Variants in DERA observed in about 807,000 individuals in gnomAD.
DERA encodes the protein 2-deoxy-D-ribose 5-phosphate aldolase.
A neutral mutation model predicts 41.1 loss-of-function variants in DERA; 15 were observed. The observed-to-expected ratio is 0.37, with a 90% CI of 0.24 to 0.56. The LOEUF is 0.56. DERA is among the 20% of genes least tolerant of loss of function. DERA has a pLI of 0.81. For synonymous variants in DERA, 139 were observed against 137.4 expected, an observed-to-expected ratio of 1.01 and a Z score of -0.08; for missense variants, 396 against 403.4, an observed-to-expected ratio of 0.98 and a Z score of 0.16.
rs115285249 is a variant in DERA, at chr12:15,962,617, C to T, written c.374-196C>T. ...CCTAACACTAATATGAGAGAACATT[C>T]AATTTCTTCACACTTATGCATAAGT... On this transcript the variant is annotated intron_variant, in intron 4 of 8. Transcript: ENST00000428559. The T allele has an allele frequency of 2.7e-3, 1,275 of 470,606 alleles. 7 individuals carry two copies. The highest frequency in any genetic ancestry group is 0.018 in the African/African-American group (917 of 50,658). 29.2% of individuals were successfully genotyped at this position (470,606 alleles called of 1,614,324 possible). A position where few individuals can be genotyped will look rare whatever the true frequency, so the allele number is the denominator to read the frequency against.
chr12:15,932,511 G>A (rs556224365), intron 1 of DERA, among the ~76,000 whole-genome samples: 91 of 152,148 alleles, frequency 6.0e-4, no homozygotes, highest in South Asian at 1.2e-3. Context: ...TTAGCTGGGT[G>A]TGGTGGTGCA....
At position 15,972,951 on chromosome 12, in the gene DERA, T is replaced by C. The variant is rs953621810; in HGVS notation, c.509-9357T>C. Reference sequence around the variant, plus strand: ...CCTGATTTGGATGCTGTTTCAAACATGCAGTCTGACCCCTTTCCCTCCTTT... The same window carrying C: ...CCTGATTTGGATGCTGTTTCAAACACGCAGTCTGACCCCTTTCCCTCCTTT... On this transcript the variant is annotated intron_variant, in intron 5 of 8. Coordinates refer to ENST00000428559, the MANE Select transcript of DERA (RefSeq NM_015954.4). The surrounding 1 kb of genome is among the most constrained non-coding windows in gnomAD (Gnocchi z 4.4). Among the ~76,000 whole-genome samples, 13 of 152,204 alleles carry C rather than the reference T, an allele frequency of 8.5e-5. No homozygotes were observed. Among genetic ancestry groups the C allele is most frequent in the Non-Finnish European group, 1.9e-4 (13 of 68,034 alleles).
chr12:15,982,216 A>C lies in DERA; in HGVS notation c.509-92A>C. The C allele has an allele frequency of 7.9e-7, 1 of 1,268,230 alleles. No homozygotes were observed. Among genetic ancestry groups the C allele is most frequent in the Non-Finnish European group, 1.1e-6 (1 of 921,748 alleles). 78.6% of individuals were successfully genotyped at this position (1,268,230 alleles called of 1,614,324 possible). ...AGTGACAAATGTTTTATGTTTCCTA[A>C]ATGTGAAATGGGTTCCACCAGCTCT... On this transcript the variant is annotated intron_variant, in intron 5 of 8. Transcript: ENST00000428559. This position sits in a 1 kb window ranked among gnomAD's most constrained non-coding sequence, Gnocchi z 4.0.
chr12:15,956,870 G>A, intron 1 of DERA, 66 bp from the exon 2 acceptor site: 1 of 1,139,776 alleles, frequency 8.8e-7, no homozygotes, highest in Non-Finnish European at 1.3e-6. Context: ...CAAGGACCAT[G>A]TAAAAATAGG....
At chr12:15,929,939 G>T (rs899968718) in intron 1 of DERA, among the ~76,000 whole-genome samples, 3 of 152,108 alleles carry the variant, frequency 2.0e-5, no homozygotes, top group Admixed American at 1.3e-4. Flanking sequence ...TTTGAAAAGA[G>T]ATTGGACTTT....
chr12:15,961,684 T>C (rs369542353), intron 4 of DERA, among the ~76,000 whole-genome samples: 1 of 152,166 alleles, frequency 6.6e-6, no homozygotes. Context: ...GTCAGTTCAG[T>C]TTTTGCTTTA....
chr12:15,986,264 AT>A (rs1948763743), intron 6 of DERA, among the ~76,000 whole-genome samples: 1 of 152,028 alleles, frequency 6.6e-6, no homozygotes, highest in African/African-American at 2.4e-5. Context: ...TCTTGTAGGC[AT>A]TTCTTTTCTA....
chr12:16,003,982 G>A lies in DERA; in HGVS notation c.637+21546G>A, dbSNP rs1948893005. Reference sequence around the variant, plus strand: ...ACATCATTGTGCAGAATGCTTAGAAGGGGTTGGTAGGGCTATTCATTAAGT... The same window carrying A: ...ACATCATTGTGCAGAATGCTTAGAAAGGGTTGGTAGGGCTATTCATTAAGT... On this transcript the variant is annotated intron_variant, in intron 6 of 8. Transcript: ENST00000428559. This position sits in a 1 kb window ranked among gnomAD's most constrained non-coding sequence, Gnocchi z 4.8. Among the ~76,000 whole-genome samples the A allele has an allele frequency of 6.6e-6, 1 of 152,156 alleles. No homozygotes were observed. Among genetic ancestry groups the A allele is most frequent in the South Asian group, 2.1e-4 (1 of 4,822 alleles).
At chr12:16,025,435 A>C (rs182041440) in intron 6 of DERA, among the ~76,000 whole-genome samples, 1 of 152,258 alleles carries the variant, frequency 6.6e-6, no homozygotes, top group East Asian at 1.9e-4. Context: ...ACTTCAGAAA[A>C]AGGAACACTA....
In DERA at chr12:16,017,485, G is replaced by C. The variant is rs919478943; in HGVS notation, c.638-15057G>C. Among the ~76,000 whole-genome samples the C allele has an allele frequency of 6.6e-6, 1 of 152,132 alleles. No individual in the cohort carries two copies. The highest frequency in any genetic ancestry group is 2.4e-5 in the African/African-American group (1 of 41,424). On this transcript the variant is annotated intron_variant, in intron 6 of 8. Coordinates refer to ENST00000428559, the MANE Select transcript of DERA (RefSeq NM_015954.4). This position sits in a 1 kb window ranked among gnomAD's most constrained non-coding sequence, Gnocchi z 5.5. ...AGCTAATTATCCTTGGATCATGTAA[G>C]CATGTCTTTGTGGAATCACAGTCTC... is the stretch of plus-strand genomic sequence containing the variant.
Position 15,918,791 on chromosome 12 carries a change from T to G in DERA, c.31+7377T>G, listed in dbSNP as rs2136123340. On this transcript the variant is annotated intron_variant, in intron 1 of 8. Transcript: ENST00000428559. This position sits in a 1 kb window ranked among gnomAD's most constrained non-coding sequence, Gnocchi z 4.3. ...CAGGAACGTGGTGGGATTGGAAGGA[T>G]AAAGACGAATTCACAGACAGTCCAG... Among the ~76,000 whole-genome samples, 1 of 152,254 alleles carries G rather than the reference T, an allele frequency of 6.6e-6. No individual in the cohort carries two copies. Among genetic ancestry groups the G allele is most frequent in the Admixed American group, 6.5e-5 (1 of 15,284 alleles).
At position 15,988,397 on chromosome 12, in the gene DERA, A is replaced by G. The variant is rs1948779359; in HGVS notation, c.637+5961A>G. Among the ~76,000 whole-genome samples the G allele has an allele frequency of 6.6e-6, 1 of 152,152 alleles. No individual in the cohort carries two copies. The highest frequency in any genetic ancestry group is 2.1e-4 in the South Asian group (1 of 4,830). On this transcript the variant is annotated intron_variant, in intron 6 of 8. Coordinates refer to ENST00000428559, the MANE Select transcript of DERA (RefSeq NM_015954.4). This position sits in a 1 kb window ranked among gnomAD's most constrained non-coding sequence, Gnocchi z 6.0. ...ACAGAACAGCTGTCAGGAGACCCAA[A>G]GCAAGTAGCTCCTTTCTGCAGGCAG...
intron 5 of DERA, among the ~76,000 whole-genome samples, chr12:15,977,094 C>G (rs984252233): frequency 2.0e-5 from 3 of 152,090 alleles, no homozygotes; most frequent in Admixed American, 6.5e-5. Flanking sequence ...TCTGCATTAC[C>G]TTGGAACTTT....
In DERA at chr12:16,018,432, T is replaced by C. The variant is rs543068439; in HGVS notation, c.638-14110T>C. 2.0e-5 allele frequency among the ~76,000 whole-genome samples: 3 copies of C among 152,316 alleles called. No individual in the cohort carries two copies. In the East Asian group the frequency reaches 5.8e-4, roughly 29 times the overall value. ...ACAATGCAAAAATACATAGTACATT[T>C]CTTTAATGAACTGGAAAATGTTCAT... On this transcript the variant is annotated intron_variant, in intron 6 of 8. Coordinates refer to ENST00000428559, the MANE Select transcript of DERA (RefSeq NM_015954.4).
rs1336096549 is a variant in DERA, at chr12:15,995,308, A to G, written c.637+12872A>G. On this transcript the variant is annotated intron_variant, in intron 6 of 8. Transcript: ENST00000428559. This position sits in a 1 kb window ranked among gnomAD's most constrained non-coding sequence, Gnocchi z 5.1. ...GGTGAACATGAAATCAATATAAAAG[A>G]GAAAAATGACAGCAAGCCCGGGGCC... Among the ~76,000 whole-genome samples, 1 of 152,208 alleles carries G rather than the reference A, an allele frequency of 6.6e-6. No homozygotes were observed. Among genetic ancestry groups the G allele is most frequent in the African/African-American group, 2.4e-5 (1 of 41,456 alleles).
Position 16,008,439 on chromosome 12 carries a change from T to C in DERA, c.638-24103T>C, listed in dbSNP as rs1948927322. Among the ~76,000 whole-genome samples, 1 of 152,190 alleles carries C rather than the reference T, an allele frequency of 6.6e-6. No homozygotes were observed. The highest frequency in any genetic ancestry group is 6.5e-5 in the Admixed American group (1 of 15,282). ...CTGCATAGGCATAGCTGGTGGTGTC[T>C]TAGGGGTGTCAGCTGCACAGAGCAG... On this transcript the variant is annotated intron_variant, in intron 6 of 8. Transcript: ENST00000428559. This position sits in a 1 kb window ranked among gnomAD's most constrained non-coding sequence, Gnocchi z 4.8.
In DERA at chr12:15,918,304, C is replaced by T. The variant is rs1948215803; in HGVS notation, c.31+6890C>T. Reference sequence around the variant, plus strand: ...CTGTGCCCGGCCGCCTCGCCTCCCTCTGCAGGTGGATACCCTCCTTACCCT... The same window carrying T: ...CTGTGCCCGGCCGCCTCGCCTCCCTTTGCAGGTGGATACCCTCCTTACCCT... On this transcript the variant is annotated intron_variant, in intron 1 of 8. Coordinates refer to ENST00000428559, the MANE Select transcript of DERA (RefSeq NM_015954.4). This position sits in a 1 kb window ranked among gnomAD's most constrained non-coding sequence, Gnocchi z 4.3. 6.6e-6 allele frequency among the ~76,000 whole-genome samples: 1 copy of T among 152,174 alleles called. No individual in the cohort carries two copies. Among genetic ancestry groups the T allele is most frequent in the African/African-American group, 2.4e-5 (1 of 41,456 alleles).
At chr12:15,961,434 G>A (rs546910756) in intron 4 of DERA, among the ~76,000 whole-genome samples, 24 of 152,104 alleles carry the variant, frequency 1.6e-4, no homozygotes, top group Non-Finnish European at 3.1e-4. Context: ...CAACACTTTG[G>A]GGGGGCTCAG....
rs1032257587 is a variant in DERA at position 16,010,692 on chromosome 12, A to G, written c.638-21850A>G. On this transcript the variant is annotated intron_variant, in intron 6 of 8. Transcript: ENST00000428559. This position sits in a 1 kb window ranked among gnomAD's most constrained non-coding sequence, Gnocchi z 5.5. ...GAGACTGCAGTCACCTAGATGGCCA[A>G]CCCCAGGGTTCCATATAGTAAATGC... 4.0e-5 allele frequency among the ~76,000 whole-genome samples: 6 copies of G among 151,850 alleles called. No homozygotes were observed. The highest frequency in any genetic ancestry group is 1.4e-4 in the African/African-American group (6 of 41,390).
Sources: allele counts gnomAD v4.1 joint callset (sites outside exome capture counted in the v4.1 genomes callset), GRCh38; gene constraint gnomAD v4.1.1; non-coding constraint Gnocchi (gnomAD v3.1); transcripts MANE v1.5; gene names NCBI Gene and HGNC (gene_info 2026-07-23, HGNC 2026-07-21).